ADAMTS20: variants seen among roughly 807,000 people sequenced by gnomAD.
ADAMTS20 encodes the protein A disintegrin and metalloproteinase with thrombospondin motifs 20.
Under a neutral mutation model 260.1 loss-of-function variants are expected in ADAMTS20, and 225 were observed. The observed-to-expected ratio is 0.87, with a 90% CI of 0.78 to 0.97. The LOEUF (loss-of-function observed/expected upper bound fraction) is 0.97, where lower values mean the gene tolerates loss of function less well. Among genes scored for constraint, ADAMTS20 ranks in the 50% least tolerant of loss-of-function variants. The probability of loss-of-function intolerance (pLI) is 0.00; values close to 1 mark genes in which losing one functional copy is unlikely to be tolerated. For synonymous variants in ADAMTS20, 802 were observed against 769.5 expected, an observed-to-expected ratio of 1.04 and a Z score of -0.70; for missense variants, 2,400 against 2,337.7, an observed-to-expected ratio of 1.03 and a Z score of -0.55.
At chr12:43,522,108 G>A (rs531996660) in intron 3 of ADAMTS20, among the ~76,000 whole-genome samples, 8 of 152,260 alleles carry the variant, frequency 5.3e-5, no homozygotes, top group African/African-American at 1.7e-4. Context: ...AAGGAAAGAG[G>A]TTTAATTGAC....
At chr12:43,422,314 C>A (rs964674016) in intron 28 of ADAMTS20, among the ~76,000 whole-genome samples, 2 of 151,928 alleles carry the variant, frequency 1.3e-5, no homozygotes, top group African/African-American at 4.8e-5. Flanking sequence ...TGCATGCATA[C>A]ACACTCTTAA....
chr12:43,393,028 A>T (rs185558097), intron 29 of ADAMTS20, among the ~76,000 whole-genome samples: 256 of 152,126 alleles, frequency 1.7e-3, no homozygotes, highest in Non-Finnish European at 2.8e-3. Context: ...TATTTACAAG[A>T]TTTTTATGTG....
intron 29 of ADAMTS20, among the ~76,000 whole-genome samples, chr12:43,388,076 A>G (rs1940519934): frequency 1.3e-5 from 2 of 152,034 alleles, no homozygotes; most frequent in Admixed American, 6.5e-5. Context: ...CACGTACAAA[A>G]AAAAAACCTC....
chr12:43,520,206 G>A (rs1943052653), intron 3 of ADAMTS20, among the ~76,000 whole-genome samples: 1 of 152,188 alleles, frequency 6.6e-6, no homozygotes, highest in Non-Finnish European at 1.5e-5. Flanking sequence ...GATATCACTG[G>A]TACATCCAAG....
At chr12:43,360,631 T>A (rs1013265640) in intron 37 of ADAMTS20, among the ~76,000 whole-genome samples, 5 of 152,104 alleles carry the variant, frequency 3.3e-5, no homozygotes, top group African/African-American at 1.2e-4. Flanking sequence ...ATAAATATTA[T>A]GTATCAAATC....
At chr12:43,526,683 A>T (rs966217284) in intron 3 of ADAMTS20, among the ~76,000 whole-genome samples, 5 of 152,192 alleles carry the variant, frequency 3.3e-5, no homozygotes, top group African/African-American at 1.2e-4. Flanking sequence ...GACAGGGCAA[A>T]AGTAGTGCTA....
intron 3 of ADAMTS20, among the ~76,000 whole-genome samples, chr12:43,526,155 A>T (rs1235622248): frequency 1.3e-5 from 2 of 152,222 alleles, no homozygotes; most frequent in African/African-American, 2.4e-5. Context: ...ATACATTTTT[A>T]AAAATAGGAA....
intron 4 of ADAMTS20, among the ~76,000 whole-genome samples, chr12:43,494,971 C>T (rs769565183): frequency 6.6e-6 from 1 of 152,164 alleles, no homozygotes; most frequent in Non-Finnish European, 1.5e-5. Flanking sequence ...GAATAATATG[C>T]ATATCCAGTG....
intron 28 of ADAMTS20, 106 bp from the exon 29 acceptor site, chr12:43,399,339 T>A (rs1227976458): frequency 2.9e-6 from 3 of 1,025,602 alleles, no homozygotes; most frequent in Admixed American, 3.8e-5. Context: ...TCCTTTGATA[T>A]TTTTATGAAG....
chr12:43,442,744 G>T (rs1330969127), intron 16 of ADAMTS20, among the ~76,000 whole-genome samples: 1 of 152,138 alleles, frequency 6.6e-6, no homozygotes, highest in Non-Finnish European at 1.5e-5. Flanking sequence ...AAATGTAAAA[G>T]GCTAATAAAT....
intron 3 of ADAMTS20, among the ~76,000 whole-genome samples, chr12:43,531,284 G>A (rs1943216965): frequency 6.6e-6 from 1 of 151,864 alleles, no homozygotes; most frequent in African/African-American, 2.4e-5. Flanking sequence ...ATTGAGCAAT[G>A]TGTTTTTACT....
intron 37 of ADAMTS20, among the ~76,000 whole-genome samples, chr12:43,365,347 T>G (rs1368524248): frequency 6.6e-6 from 1 of 152,108 alleles, no homozygotes; most frequent in Non-Finnish European, 1.5e-5. Flanking sequence ...ATTATGTAGA[T>G]AATTATAAAA....
intron 3 of ADAMTS20, among the ~76,000 whole-genome samples, chr12:43,506,780 C>CTT (rs146293853): frequency 2.1e-5 from 3 of 141,134 alleles, no homozygotes; most frequent in African/African-American, 5.2e-5. Flanking sequence ...GCCTGGCCAC[C>CTT]TTTTTTTTTT....
rs1256112853 is a variant in ADAMTS20 at position 43,425,654 on chromosome 12, G to T, written c.4144C>A (p.Leu1382Ile). The change falls in exon 28 of 39, where the codon CTT becomes ATT. Residue 1382 changes from leucine (L) to isoleucine (I), a missense_variant. Transcript: ENST00000389420. ...QTCGGGIKSRLVICQFPNGQI... is the reference protein window; with the variant it reads ...QTCGGGIKSRIVICQFPNGQI... ...CCATTGGGAAATTGACATATTACAA[G>T]TCTTGATTTTATTCCTCCTCCACAT... is the stretch of plus-strand genomic sequence containing the variant. 1 of 1,606,492 alleles carries T rather than the reference G, an allele frequency of 6.2e-7. No individual in the cohort carries two copies. The highest frequency in any genetic ancestry group is 2.2e-5 in the East Asian group (1 of 44,688).
intron 28 of ADAMTS20, among the ~76,000 whole-genome samples, chr12:43,418,285 C>A (rs952242268): frequency 6.6e-6 from 1 of 152,104 alleles, no homozygotes; most frequent in African/African-American, 2.4e-5. Context: ...TGTTTGGAAA[C>A]GTTTCTCCTG....
chr12:43,454,544 T>C (rs1429144734), intron 11 of ADAMTS20, among the ~76,000 whole-genome samples: 1 of 152,190 alleles, frequency 6.6e-6, no homozygotes, highest in Non-Finnish European at 1.5e-5. Context: ...CACCACCTGT[T>C]CTACCCATTC....
In ADAMTS20 at chr12:43,428,328, T is replaced by C. The variant is rs1399192673; in HGVS notation, c.3858A>G (p.Pro1286=). Reference sequence around the variant, plus strand: ...CATTATCTTCAAGTTTTTGAGTTAATGGCAAATTCGTGCTTAGATAATAGC... The same window carrying C: ...CATTATCTTCAAGTTTTTGAGTTAACGGCAAATTCGTGCTTAGATAATAGC... ...QPSYYLSTNL[P]LTQKLEDNEN... is the part of the protein sequence containing the mutation. Residue 1286 remains proline, a synonymous_variant, in exon 26 of 39, where the codon CCA becomes CCG. Coordinates refer to ENST00000389420, the MANE Select transcript of ADAMTS20 (RefSeq NM_025003.5). The C allele has an allele frequency of 6.2e-7, 1 of 1,614,000 alleles. No homozygotes were observed. Among genetic ancestry groups the C allele is most frequent in the Non-Finnish European group, 8.5e-7 (1 of 1,179,896 alleles).
rs1282626583 is a variant in ADAMTS20, at chr12:43,430,455, C to A, written c.3278G>T (p.Gly1093Val). The part of the protein sequence containing the change: ...GPWGPCTTTC[G>V]HGYQMRDVKC... ...AACATCTCGCATCTGATACCCATGTCCACATGTGGTTGTGCACTGAAAGAA... is the reference window on the plus strand; with the variant it reads ...AACATCTCGCATCTGATACCCATGTACACATGTGGTTGTGCACTGAAAGAA... The change falls in exon 23 of 39, where the codon GGA becomes GTA. Residue 1093 changes from glycine to valine, a missense_variant. Coordinates refer to ENST00000389420, the MANE Select transcript of ADAMTS20 (RefSeq NM_025003.5). The A allele has an allele frequency of 6.2e-7, 1 of 1,612,204 alleles. No homozygotes were observed. Among genetic ancestry groups the A allele is most frequent in the African/African-American group, 1.3e-5 (1 of 74,854 alleles).
At chr12:43,369,588 T>C (rs577060557) in intron 36 of ADAMTS20, among the ~76,000 whole-genome samples, 6 of 152,216 alleles carry the variant, frequency 3.9e-5, no homozygotes, top group South Asian at 2.1e-4. Context: ...AATGTTCATA[T>C]CATAAATTGC....
Sources: gnomAD v4.1 joint callset for allele counts (sites outside exome capture counted in the v4.1 genomes callset) on GRCh38, gnomAD v4.1.1 for gene constraint, MANE v1.5 for transcripts, NCBI Gene and HGNC (gene_info 2026-07-23, HGNC 2026-07-21) for gene names.